Variants in POLD3 observed in about 807,000 individuals in gnomAD.
POLD3 encodes DNA polymerase delta 3, accessory subunit, also known as DNA polymerase delta subunit 3.
Under a neutral mutation model 58.2 loss-of-function variants are expected in POLD3, and 19 were observed. That is an observed-to-expected ratio of 0.33 (90% confidence interval 0.23 to 0.48). POLD3 has a LOEUF of 0.48. Among genes scored for constraint, POLD3 ranks in the 20% least tolerant of loss-of-function variants. The pLI, the probability that POLD3 is intolerant of heterozygous loss-of-function variation, is 0.99. For synonymous variants in POLD3, 172 were observed against 193.5 expected, an observed-to-expected ratio of 0.89 and a Z score of 0.92; for missense variants, 504 against 545.5, an observed-to-expected ratio of 0.92 and a Z score of 0.76.
At chr11:74,666,432 C>G (rs1420380452) in intron 4 of POLD3, among the ~76,000 whole-genome samples, 1 of 152,038 alleles carries the variant, frequency 6.6e-6, no homozygotes, top group Non-Finnish European at 1.5e-5. Flanking sequence ...ACCAGCCTGG[C>G]CAACATGGTG....
intron 11 of POLD3, 126 bp from the exon 12 acceptor site, chr11:74,640,438 A>C: frequency 8.9e-7 from 1 of 1,118,778 alleles, no homozygotes; most frequent in Non-Finnish European, 1.2e-6. Flanking sequence ...AGAAAGATTG[A>C]GTCCTAAGTA....
At chr11:74,648,702 C>A (rs2033031806) in intron 4 of POLD3, among the ~76,000 whole-genome samples, 2 of 152,176 alleles carry the variant, frequency 1.3e-5, no homozygotes. Flanking sequence ...CAGAGGCCAG[C>A]TCACAGAGGT....
At chr11:74,606,036 G>T (rs2031663273) in intron 3 of POLD3, among the ~76,000 whole-genome samples, 1 of 152,192 alleles carries the variant, frequency 6.6e-6, no homozygotes, top group Non-Finnish European at 1.5e-5. Flanking sequence ...AGCGAGCTGT[G>T]ATTGCGCCAC....
intron 4 of POLD3, among the ~76,000 whole-genome samples, chr11:74,656,994 T>C (rs998033308): frequency 1.3e-4 from 1 of 7,632 alleles, no homozygotes; most frequent in Admixed American, 1.3e-3. Context: ...TTACAATTGT[T>C]ATATCCTCTT....
At position 74,622,968 on chromosome 11, in the gene POLD3, G is replaced by T. The variant is rs1261653073; in HGVS notation, c.734-2440G>T. ...TCATCTGATGAATGGATAAACAAAG[G>T]TGGTATATCCAGACAATGAAATGTT... On this transcript the variant is annotated intron_variant, in intron 7 of 11. Coordinates refer to ENST00000263681, the MANE Select transcript of POLD3 (RefSeq NM_006591.3). 2.0e-5 allele frequency among the ~76,000 whole-genome samples: 3 copies of T among 152,292 alleles called. No individual in the cohort carries two copies. In the East Asian group the frequency reaches 5.8e-4, roughly 29 times the overall value.
intron 7 of POLD3, among the ~76,000 whole-genome samples, chr11:74,621,290 T>C (rs574233657): frequency 1.1e-3 from 162 of 152,216 alleles, no homozygotes; most frequent in African/African-American, 3.8e-3. Flanking sequence ...CTTATAGGAT[T>C]GTGAACCCTA....
chr11:74,633,519 G>C (rs2032656713), intron 9 of POLD3, among the ~76,000 whole-genome samples: 1 of 152,200 alleles, frequency 6.6e-6, no homozygotes, highest in Non-Finnish European at 1.5e-5. Flanking sequence ...GAGAATTTCA[G>C]ATCCAAGACT....
chr11:74,656,150 T>G (rs2033131002), intron 4 of POLD3, among the ~76,000 whole-genome samples: 1 of 152,232 alleles, frequency 6.6e-6, no homozygotes, highest in Non-Finnish European at 1.5e-5. Context: ...CACTAAAAAC[T>G]AAAACAGTGA....
At chr11:74,657,759 A>T (rs1288009676) in intron 4 of POLD3, among the ~76,000 whole-genome samples, 1 of 152,144 alleles carries the variant, frequency 6.6e-6, no homozygotes, top group African/African-American at 2.4e-5. Context: ...TCTTCAGATG[A>T]TTTTTTATTG....
chr11:74,662,339 G>T (rs756450149), intron 4 of POLD3, among the ~76,000 whole-genome samples: 10 of 151,974 alleles, frequency 6.6e-5, no homozygotes, highest in Non-Finnish European at 1.5e-4. Context: ...GGCCCATGGC[G>T]TACTACCTGG....
chr11:74,650,187 G>A (rs1370132526), intron 4 of POLD3, among the ~76,000 whole-genome samples: 4 of 152,186 alleles, frequency 2.6e-5, no homozygotes, highest in Admixed American at 2.0e-4. Context: ...AAAATGAGTT[G>A]TCGTACTTTG....
chr11:74,640,497 A>T (rs1554979343), intron 11 of POLD3, 67 bp from the exon 12 acceptor site: 2 of 1,451,820 alleles, frequency 1.4e-6, no homozygotes, highest in Non-Finnish European at 1.8e-6. Context: ...TTAGCAAGAC[A>T]TCCCATTTTC....
At chr11:74,668,536 G>A (rs2033299908) in intron 4 of POLD3, among the ~76,000 whole-genome samples, 1 of 152,156 alleles carries the variant, frequency 6.6e-6, no homozygotes, top group Non-Finnish European at 1.5e-5. Context: ...CATACAATCA[G>A]TATTTGCTGG....
At chr11:74,632,943 A>T (rs970103479) in intron 9 of POLD3, among the ~76,000 whole-genome samples, 1 of 103,102 alleles carries the variant, frequency 9.7e-6, no homozygotes, top group Non-Finnish European at 1.8e-5. Context: ...CAGTTACTCT[A>T]TGTTTATGCC....
chr11:74,634,915 G>A (rs1334212710), intron 10 of POLD3, among the ~76,000 whole-genome samples: 1 of 152,232 alleles, frequency 6.6e-6, no homozygotes, highest in Admixed American at 6.5e-5. Context: ...GAACGTTGCA[G>A]AGGTGGAACC....
At position 74,634,580 on chromosome 11, in the gene POLD3, C is replaced by G; in HGVS notation, c.1007-3C>G. ...CTGATCTAAGTCCGTTTCATTATTT[C>G]AGTCTTTCCAGACTCTCCTGGGGCT... On this transcript the variant is annotated splice_polypyrimidine_tract_variant and splice_region_variant and intron_variant, in intron 9 of 11. Transcript: ENST00000263681. 6.6e-7 allele frequency: 1 copy of G among 1,514,324 alleles called. No individual in the cohort carries two copies. Among genetic ancestry groups the G allele is most frequent in the Non-Finnish European group, 9.2e-7 (1 of 1,089,158 alleles). 93.8% of individuals were successfully genotyped at this position (1,514,324 alleles called of 1,614,324 possible).
chr11:74,663,163 G>T (rs753226503), intron 4 of POLD3, among the ~76,000 whole-genome samples: 1 of 152,200 alleles, frequency 6.6e-6, no homozygotes, highest in Non-Finnish European at 1.5e-5. Flanking sequence ...TGTTCCTGTG[G>T]GGAGGATGAT....
In POLD3 at chr11:74,650,198, C is replaced by G. The variant is rs2033050791; in HGVS notation, c.369+13923C>G. 2.0e-5 allele frequency among the ~76,000 whole-genome samples: 3 copies of G among 152,200 alleles called. 1 individual carries two copies. The highest frequency in any genetic ancestry group is 2.0e-4 in the Admixed American group (3 of 15,278). On this transcript the variant is annotated intron_variant, in intron 4 of 4. Transcript: ENST00000524752. The stretch of plus-strand genomic sequence containing the variant: ...GAGAAAAATGAGTTGTCGTACTTTG[C>G]TAATTTTTTTGCCAACTAACCTTTA...
chr11:74,616,976 C>T (rs1049390158), intron 5 of POLD3, among the ~76,000 whole-genome samples: 1 of 152,126 alleles, frequency 6.6e-6, no homozygotes, highest in African/African-American at 2.4e-5. Flanking sequence ...ATGTCGTTTC[C>T]AGCACTTTTC....
Sources: gnomAD v4.1 joint callset for allele counts (sites outside exome capture counted in the v4.1 genomes callset) on GRCh38, gnomAD v4.1.1 for gene constraint, MANE v1.5 for transcripts, NCBI Gene and HGNC (gene_info 2026-07-23, HGNC 2026-07-21) for gene names.